The following SBF2 variants were observed in gnomAD, a reference collection of about 807,000 sequenced individuals.
The protein encoded by SBF2 is myotubularin-related protein 13.
In SBF2, 112 loss-of-function variants were observed where a neutral mutation model predicts 225.2. That is an observed-to-expected ratio of 0.50 (90% CI 0.43 to 0.58). The LOEUF (loss-of-function observed/expected upper bound fraction) is 0.58, where lower values mean the gene tolerates loss of function less well. SBF2 is among the 20% of genes least tolerant of loss of function. The pLI is 0.00. For synonymous variants in SBF2, 763 were observed against 773.3 expected (o/e 0.99, Z 0.22); for missense variants, 1,996 against 2,206.2 (o/e 0.90, Z 1.91).
intron 16 of SBF2, among the ~76,000 whole-genome samples, chr11:9,934,009 G>T (rs947230488): frequency 2.0e-5 from 3 of 152,124 alleles, no homozygotes; most frequent in Non-Finnish European, 4.4e-5. Context: ...ATGAACCTGG[G>T]AGGCGGAGCT....
intron 2 of SBF2, among the ~76,000 whole-genome samples, chr11:10,063,344 A>ATT (rs56370013): frequency 1.8e-4 from 21 of 118,838 alleles, no homozygotes; most frequent in African/African-American, 5.5e-4. Context: ...ATATATATAT[A>ATT]TTTTTTTAAT....
chr11:10,263,215 C>A (rs7118500), intron 1 of SBF2, among the ~76,000 whole-genome samples: 71,016 of 151,706 alleles, frequency 0.47, 17,294 homozygotes, highest in Non-Finnish European at 0.54. Context: ...ATCAACATTT[C>A]AGACAAAAGA....
At chr11:9,908,548 A>C (rs1590400643) in intron 16 of SBF2, among the ~76,000 whole-genome samples, 1 of 152,144 alleles carries the variant, frequency 6.6e-6, no homozygotes, top group Non-Finnish European at 1.5e-5. Flanking sequence ...AATGGCGTGA[A>C]CCCGGGAGGC....
intron 17 of SBF2, among the ~76,000 whole-genome samples, chr11:9,889,076 T>C (rs1860579694): frequency 1.3e-5 from 2 of 152,274 alleles, no homozygotes; most frequent in African/African-American, 4.8e-5. Flanking sequence ...AAACACAGAT[T>C]TTACTTTACT....
chr11:10,301,089 C>T (rs1274594494), intron 1 of SBF2, among the ~76,000 whole-genome samples: 6 of 152,172 alleles, frequency 3.9e-5, no homozygotes, highest in East Asian at 1.9e-4. Context: ...AGGCAGCAAA[C>T]GCATTACTTT....
At chr11:10,109,106 A>G (rs903809575) in intron 2 of SBF2, among the ~76,000 whole-genome samples, 1 of 152,160 alleles carries the variant, frequency 6.6e-6, no homozygotes, top group Non-Finnish European at 1.5e-5. Context: ...AATTCCTGCC[A>G]TATTATTTAG....
At chr11:9,868,450 G>A (rs562236040) in intron 17 of SBF2, among the ~76,000 whole-genome samples, 3 of 151,582 alleles carry the variant, frequency 2.0e-5, no homozygotes, top group East Asian at 1.9e-4. Context: ...CCCGGGAGGC[G>A]GAGCTTGCAG....
intron 2 of SBF2, among the ~76,000 whole-genome samples, chr11:10,078,557 T>C (rs11042611): frequency 0.16 from 24,182 of 151,704 alleles, 2,442 homozygotes; most frequent in Middle Eastern, 0.26. Context: ...CATGTTCTCA[T>C]TCATAAGTGG....
At chr11:10,289,817 TCA>T (rs1443351698) in intron 1 of SBF2, among the ~76,000 whole-genome samples, 2 of 152,092 alleles carry the variant, frequency 1.3e-5, no homozygotes, top group Non-Finnish European at 2.9e-5. Context: ...CGCCTCCTCC[TCA>T]CACCCTCCCC....
At chr11:10,161,435 A>G (rs1394021322) in intron 2 of SBF2, among the ~76,000 whole-genome samples, 1 of 152,188 alleles carries the variant, frequency 6.6e-6, no homozygotes. Flanking sequence ...TTAATTTCCT[A>G]ACCACAAATG....
chr11:10,054,363 C>A (rs1950174552), intron 2 of SBF2, among the ~76,000 whole-genome samples: 2 of 152,166 alleles, frequency 1.3e-5, no homozygotes, highest in African/African-American at 2.4e-5. Flanking sequence ...TCTTTGACAT[C>A]AGCAATAAGC....
chr11:9,843,060 G>A (rs748078511), intron 24 of SBF2, among the ~76,000 whole-genome samples: 57 of 152,110 alleles, frequency 3.7e-4, no homozygotes, highest in African/African-American at 3.4e-4. Flanking sequence ...TTAGCTTGTC[G>A]GGGAGGACTG....
intron 16 of SBF2, chr11:9,960,302 T>C (rs1390622452): frequency 6.6e-6 from 1 of 152,252 alleles, no homozygotes; most frequent in Non-Finnish European, 1.5e-5. Context: ...TGGCACTAGT[T>C]GTGACTAGTT....
At position 9,989,579 on chromosome 11, in the gene SBF2, A is replaced by G. The variant is rs530030887; in HGVS notation, c.1313T>C (p.Val438Ala). 21 of 1,601,940 alleles carry G rather than the reference A, an allele frequency of 1.3e-5. No homozygotes were observed. In the South Asian group the frequency reaches 2.2e-4, roughly 17 times the overall value. Reference sequence around the variant, plus strand: ...ATTTTCTTCAACTTTAATTCTCTCTACTTCAAAGGCTACCAACTAGGAAAA... The same window carrying G: ...ATTTTCTTCAACTTTAATTCTCTCTGCTTCAAAGGCTACCAACTAGGAAAA... ...DLFDELVAFE[V>A]ERIKVEENNP... Residue 438 changes from valine to alanine, a missense_variant, in exon 13 of 40, where the codon GTA (valine) becomes GCA (alanine). Val to Ala is a moderately conservative substitution (Grantham distance 64). Coordinates refer to ENST00000256190, the MANE Select transcript of SBF2 (RefSeq NM_030962.4).
rs1299814067 is a variant in SBF2 at position 9,889,450 on chromosome 11, A to T, written c.1929+6493T>A. The stretch of plus-strand genomic sequence containing the variant: ...GTAGAATGTATAAGCCAAAGTTAAA[A>T]TTCAGCAATAAAGAAATTAAATAAC... On this transcript the variant is annotated intron_variant, in intron 17 of 39. Coordinates refer to ENST00000256190, the MANE Select transcript of SBF2 (RefSeq NM_030962.4). 2.0e-5 allele frequency among the ~76,000 whole-genome samples: 3 copies of T among 152,256 alleles called. No homozygotes were observed. The East Asian group carries it at 5.8e-4, about 29-fold the overall frequency.
At chr11:9,889,296 T>C (rs957310558) in intron 17 of SBF2, among the ~76,000 whole-genome samples, 3 of 152,178 alleles carry the variant, frequency 2.0e-5, no homozygotes, top group Non-Finnish European at 4.4e-5. Flanking sequence ...CACAGATTAC[T>C]TTTTCCAGGT....
intron 1 of SBF2, among the ~76,000 whole-genome samples, chr11:10,279,350 T>C (rs976142730): frequency 6.7e-6 from 1 of 148,940 alleles, no homozygotes; most frequent in African/African-American, 2.5e-5. Flanking sequence ...GAGACGGAGG[T>C]TGTAGTGAGC....
At position 9,989,605 on chromosome 11, in the gene SBF2, A is replaced by C. The variant is rs1249564766; in HGVS notation, c.1297-10T>G. The C allele has an allele frequency of 6.0e-6, 9 of 1,500,986 alleles. No individual in the cohort carries two copies. Among genetic ancestry groups the C allele is most frequent in the Admixed American group, 5.1e-5 (3 of 58,566 alleles). The allele number at this position is 1,500,986 out of a possible 1,614,324, so 93.0% of individuals were successfully genotyped here. A position where few individuals can be genotyped will look rare whatever the true frequency, so the allele number is the denominator to read the frequency against. ...CTTCAAAGGCTACCAACTAGGAAAA[A>C]GAATCAAATGGCAAAACATCAATTC... is the stretch of plus-strand genomic sequence containing the variant. On this transcript the variant is annotated splice_polypyrimidine_tract_variant and intron_variant, in intron 12 of 39. Transcript: ENST00000256190.
chr11:9,876,528 C>A (rs1306800283), intron 17 of SBF2, among the ~76,000 whole-genome samples: 1 of 152,180 alleles, frequency 6.6e-6, no homozygotes, highest in African/African-American at 2.4e-5. Flanking sequence ...TGCTCTCTCT[C>A]TCCCTCTCTC....
Sources: gnomAD v4.1 joint callset for allele counts (sites outside exome capture counted in the v4.1 genomes callset) on GRCh38, gnomAD v4.1.1 for gene constraint, MANE v1.5 for transcripts, NCBI Gene and HGNC (gene_info 2026-07-23, HGNC 2026-07-21) for gene names.